Variants in REPS2 observed in about 807,000 individuals in gnomAD.
REPS2 encodes the protein RALBP1 associated Eps domain containing 2, also known as ralBP1-associated Eps domain-containing protein 2.
REPS2 carries 23 observed loss-of-function variants against 53.6 expected under a neutral mutation model. The observed-to-expected ratio is 0.43, with a 90% CI of 0.31 to 0.61. The LOEUF is 0.61. Ranked by LOEUF, REPS2 falls within the 20% of genes least tolerant of loss-of-function variation. The pLI is 0.11. For synonymous variants in REPS2, 238 were observed against 218.6 expected (o/e 1.09, Z -0.78); for missense variants, 446 against 534.9 (o/e 0.83, Z 1.64).
intron 1 of REPS2, among the ~76,000 whole-genome samples, chrX:16,954,426 GCAA>G (rs2060565757): frequency 8.9e-6 from 1 of 112,083 alleles, no homozygotes. Flanking sequence ...TTATCCTGAA[GCAA>G]GTCGCAAACA....
At chrX:17,022,845 A>G (rs1421690498) in intron 3 of REPS2, among the ~76,000 whole-genome samples, 1 of 112,326 alleles carries the variant, frequency 8.9e-6, no homozygotes, top group African/African-American at 3.2e-5. Context: ...TTGGAATACT[A>G]TCTTGGGAAA....
chrX:16,984,186 G>T (rs1202725073), intron 1 of REPS2, among the ~76,000 whole-genome samples: 1 of 112,129 alleles, frequency 8.9e-6, no homozygotes, highest in Admixed American at 9.4e-5. Context: ...TTCCAGGGCT[G>T]CAGCGATCTG....
At chrX:16,947,156 C>T (rs751373575) in intron 1 of REPS2, 22 bp downstream of exon 1, 5 of 1,035,238 alleles carry the variant, frequency 4.8e-6, no homozygotes, top group Middle Eastern at 3.7e-4. Context: ...CGCCTCCTGT[C>T]CCTGCGGGTC....
the REPS2 span, among the ~76,000 whole-genome samples, chrX:17,164,091 A>G: frequency 1.8e-5 from 2 of 112,142 alleles, no homozygotes; most frequent in Non-Finnish European, 3.8e-5. Flanking sequence ...AAGTTTTTGT[A>G]TATTATTGAA....
chrX:17,064,732 G>T (rs940678372), intron 9 of REPS2, among the ~76,000 whole-genome samples: 5 of 111,750 alleles, frequency 4.5e-5, no homozygotes, highest in Non-Finnish European at 5.6e-5. Context: ...AATTTTAGAA[G>T]AACATCATCA....
At position 17,146,150 on chromosome X, in the gene REPS2, T is replaced by TC. The variant is rs766331943; in HGVS notation, c.1915-1259dup. Among the ~76,000 whole-genome samples, 976 of 106,991 alleles carry TC rather than the reference T, an allele frequency of 9.1e-3. 7 individuals are homozygous for TC. The highest frequency in any genetic ancestry group is 0.038 in the Middle Eastern group (8 of 208). The allele number at this position is 106,991 out of a possible 115,157, so 92.9% of individuals were successfully genotyped here. A position where few individuals can be genotyped will look rare whatever the true frequency, so the allele number is the denominator to read the frequency against. Reference sequence around the variant, plus strand: ...AGAAAGAAAGAAACCCTCAATGCCATCCCCGCTACATTTCCATACTATTTC... The same window carrying TC: ...AGAAAGAAAGAAACCCTCAATGCCATCCCCCGCTACATTTCCATACTATTTC... On this transcript the variant is annotated intron_variant, in intron 17 of 17. Coordinates refer to ENST00000357277, the MANE Select transcript of REPS2 (RefSeq NM_004726.3).
intron 14 of REPS2, among the ~76,000 whole-genome samples, chrX:17,105,698 G>A (rs1200005990): frequency 1.8e-5 from 2 of 112,094 alleles, no homozygotes; most frequent in Non-Finnish European, 3.8e-5. Flanking sequence ...TTCAGGAACA[G>A]GTGTGTAAGA....
intron 14 of REPS2, among the ~76,000 whole-genome samples, chrX:17,117,449 A>G (rs1290810695): frequency 2.8e-5 from 3 of 107,411 alleles, no homozygotes; most frequent in African/African-American, 1.0e-4. Context: ...AACAGTCCCC[A>G]GTGTGTGATG....
intron 6 of REPS2, among the ~76,000 whole-genome samples, chrX:17,049,242 T>C (rs1030850350): frequency 3.6e-5 from 4 of 112,083 alleles, no homozygotes; most frequent in East Asian, 2.8e-4. Flanking sequence ...CTCTTACTTA[T>C]ATATAAAAAA....
chrX:17,052,480 A>G, intron 7 of REPS2, 35 bp downstream of exon 7: 1 of 1,062,858 alleles, frequency 9.4e-7, no homozygotes, highest in Non-Finnish European at 1.3e-6. Context: ...CATTCATACC[A>G]TCATCCATAA....
At chrX:16,976,183 A>G (rs1236483748) in intron 1 of REPS2, among the ~76,000 whole-genome samples, 1 of 112,139 alleles carries the variant, frequency 8.9e-6, no homozygotes, top group Non-Finnish European at 1.9e-5. Context: ...TTTTGCTCCC[A>G]GATCAGAACT....
chrX:16,983,201 A>T (rs770065982), intron 1 of REPS2, among the ~76,000 whole-genome samples: 9 of 112,025 alleles, frequency 8.0e-5, no homozygotes, highest in African/African-American at 2.6e-4. Flanking sequence ...ATGGAAAAAA[A>T]ATATATAAAA....
chrX:17,090,606 A>G (rs1293602773), intron 13 of REPS2, among the ~76,000 whole-genome samples: 2 of 112,355 alleles, frequency 1.8e-5, no homozygotes, highest in African/African-American at 6.5e-5. Flanking sequence ...TGAGTTGTAT[A>G]TTCTGTAATT....
At chrX:17,012,746 G>A (rs1028997100) in intron 2 of REPS2, among the ~76,000 whole-genome samples, 14 of 111,658 alleles carry the variant, frequency 1.3e-4, no homozygotes, top group African/African-American at 3.9e-4. Flanking sequence ...AAAGCTAAAT[G>A]TATTCAAATC....
intron 14 of REPS2, among the ~76,000 whole-genome samples, chrX:17,132,792 C>T (rs1461248935): frequency 8.9e-6 from 1 of 111,981 alleles, no homozygotes; most frequent in Non-Finnish European, 1.9e-5. Flanking sequence ...CCTGCTTCGG[C>T]CTCCCAAAGT....
At chrX:16,999,822 G>A (rs1435085238) in intron 1 of REPS2, among the ~76,000 whole-genome samples, 1 of 108,344 alleles carries the variant, frequency 9.2e-6, no homozygotes, top group African/African-American at 3.4e-5. Context: ...CGAGGCGGGC[G>A]GATCACGAGG....
intron 5 of REPS2, among the ~76,000 whole-genome samples, chrX:17,042,273 A>AG (rs2061840573): frequency 8.9e-6 from 1 of 111,927 alleles, no homozygotes; most frequent in Admixed American, 9.5e-5. Flanking sequence ...AGGCCTCTTT[A>AG]GGGTGCATGC....
intron 1 of REPS2, among the ~76,000 whole-genome samples, chrX:16,993,276 C>T (rs755317445): frequency 1.8e-5 from 2 of 112,071 alleles, no homozygotes; most frequent in East Asian, 5.6e-4. Context: ...TGACAGCCTC[C>T]CCATTGTGCT....
chrX:17,172,215 T>G, the REPS2 span, among the ~76,000 whole-genome samples: 1 of 111,985 alleles, frequency 8.9e-6, no homozygotes, highest in Non-Finnish European at 1.9e-5. Context: ...GTATCTTGAT[T>G]TGTGGCAGAC....
Sources: allele counts gnomAD v4.1 joint callset (sites outside exome capture counted in the v4.1 genomes callset), GRCh38; gene constraint gnomAD v4.1.1; transcripts MANE v1.5; gene names NCBI Gene and HGNC (gene_info 2026-07-23, HGNC 2026-07-21).